Variants in SYNE2 observed in about 807,000 individuals in gnomAD.
SYNE2 encodes the protein spectrin repeat containing nuclear envelope protein 2.
A neutral mutation model predicts 856.3 loss-of-function variants in SYNE2; 431 were observed. The ratio of observed to expected loss-of-function variants is 0.50; its 90% CI spans 0.47 to 0.55. The LOEUF (loss-of-function observed/expected upper bound fraction) is 0.55, where lower values mean the gene tolerates loss of function less well. SYNE2 is among the 20% of genes least tolerant of loss of function. SYNE2 has a pLI of 0.00. For synonymous variants in SYNE2, 2,923 were observed against 2,872.3 expected (o/e 1.02, Z -0.56); for missense variants, 8,129 against 8,023.2 (o/e 1.01, Z -0.50).
intron 98 of SYNE2, 105 bp from the exon 99 acceptor site, chr14:64,189,964 ATT>A (rs11423254): frequency 0.012 from 13,854 of 1,154,192 alleles, no homozygotes; most frequent in Non-Finnish European, 0.013. Flanking sequence ...TGCCTGGCCA[ATT>A]TTTTTTTTTT....
chr14:64,221,698 A>G lies in SYNE2; in HGVS notation c.20184A>G (p.Glu6728=). Residue 6728 remains glutamate, a synonymous_variant, in exon 112 of 116, where the codon GAA becomes GAG. Coordinates refer to ENST00000555002, the MANE Select transcript of SYNE2 (RefSeq NM_182914.3). Reference sequence around the variant, plus strand: ...GGGCTCTCCTAGAGTGTCGGAGGGAACTAATGGTAAGTTTCCTCCCAAGGG... The same window carrying G: ...GGGCTCTCCTAGAGTGTCGGAGGGAGCTAATGGTAAGTTTCCTCCCAAGGG... ...DPRALLECRR[E]LMQLEKELVE... is the part of the protein sequence containing the mutation. 1 of 1,613,712 alleles carries G rather than the reference A, an allele frequency of 6.2e-7. No homozygotes were observed. The highest frequency in any genetic ancestry group is 1.3e-5 in the African/African-American group (1 of 75,030).
intron 57 of SYNE2, among the ~76,000 whole-genome samples, chr14:64,081,820 T>A (rs2097525835): frequency 6.6e-6 from 1 of 152,142 alleles, no homozygotes; most frequent in African/African-American, 2.4e-5. Context: ...TAGTATATCT[T>A]CTATGGACCT....
chr14:64,003,058 A>G lies in SYNE2; in HGVS notation c.4125A>G (p.Lys1375=). The G allele has an allele frequency of 6.2e-7, 1 of 1,614,186 alleles. No individual in the cohort carries two copies. The highest frequency in any genetic ancestry group is 8.5e-7 in the Non-Finnish European group (1 of 1,180,034). ...TTCATCTGATGAAAGACAAGGCCAA[A>G]CATTTGGATAAATGTTTGAAGATGC... is the stretch of plus-strand genomic sequence containing the variant. ...GEIHLMKDKA[K]HLDKCLKMLD... is the part of the protein sequence containing the mutation. The change falls in exon 30 of 116, where the codon AAA becomes AAG. Residue 1375 remains lysine, a synonymous_variant. Coordinates refer to ENST00000555002, the MANE Select transcript of SYNE2 (RefSeq NM_182914.3).
intron 18 of SYNE2, among the ~76,000 whole-genome samples, chr14:63,984,666 T>C (rs942486905): frequency 3.3e-5 from 5 of 152,194 alleles, no homozygotes; most frequent in African/African-American, 9.6e-5. Context: ...TTGTAAGATA[T>C]AATACCTATG....
At chr14:64,183,703 T>G (rs1290155603) in intron 96 of SYNE2, among the ~76,000 whole-genome samples, 1 of 152,066 alleles carries the variant, frequency 6.6e-6, no homozygotes, top group African/African-American at 2.4e-5. Flanking sequence ...CACTCGTGGT[T>G]AGGAGCTGGA....
intron 48 of SYNE2, among the ~76,000 whole-genome samples, chr14:64,055,405 G>A (rs1012081587): frequency 1.6e-5 from 2 of 128,994 alleles, no homozygotes; most frequent in African/African-American, 6.1e-5. Flanking sequence ...CTCTCACTCT[G>A]TCACCCAGGC....
At chr14:63,961,694 C>G in intron 9 of SYNE2, 69 bp downstream of exon 9, 2 of 1,150,762 alleles carry the variant, frequency 1.7e-6, no homozygotes, top group Non-Finnish European at 2.6e-6. Context: ...TTTTTAAAAT[C>G]AAGATATAAT....
At chr14:64,208,496 A>G (rs2098620609) in intron 100 of SYNE2, among the ~76,000 whole-genome samples, 1 of 152,200 alleles carries the variant, frequency 6.6e-6, no homozygotes, top group African/African-American at 2.4e-5. Context: ...GAGGACACCC[A>G]TCACCGTGGC....
In SYNE2 at chr14:64,225,813, CTTTGTGAATTCTGGTTTG is replaced by C. The variant is rs2098716309; in HGVS notation, c.*293_*310del. 12 of 590,768 alleles carry C rather than the reference CTTTGTGAATTCTGGTTTG, an allele frequency of 2.0e-5. No individual in the cohort carries two copies. The South Asian group carries it at 2.3e-4, about 11-fold the overall frequency. 36.6% of individuals were successfully genotyped at this position (590,768 alleles called of 1,614,324 possible). A position where few individuals can be genotyped will look rare whatever the true frequency, so the allele number is the denominator to read the frequency against. On this transcript the variant is annotated 3_prime_UTR_variant, in exon 116 of 116. Transcript: ENST00000555002. ...TGTCAGTTTCCTGAAGAGCCAAGCA[CTTTGTGAATTCTGGTTTG>C]TTTGTAAAACAGCATTATTATAATG...
intron 23 of SYNE2, among the ~76,000 whole-genome samples, chr14:63,995,470 T>C (rs745522236): frequency 1.3e-5 from 2 of 152,174 alleles, no homozygotes; most frequent in Non-Finnish European, 2.9e-5. Context: ...TGGTCACAAA[T>C]GTGTCAACTG....
At chr14:63,980,277 C>T (rs550598435) in intron 14 of SYNE2, among the ~76,000 whole-genome samples, 47 of 152,232 alleles carry the variant, frequency 3.1e-4, no homozygotes, top group East Asian at 1.7e-3. Context: ...AAAAAGATTA[C>T]TCAGTATTAA....
At position 64,219,429 on chromosome 14, in the gene SYNE2, G is replaced by T; in HGVS notation, c.19860+19G>T. The T allele has an allele frequency of 1.2e-6, 2 of 1,611,824 alleles. No individual in the cohort carries two copies. The highest frequency in any genetic ancestry group is 2.2e-5 in the South Asian group (2 of 90,942). On this transcript the variant is annotated intron_variant, in intron 110 of 115. Transcript: ENST00000555002. The stretch of plus-strand genomic sequence containing the variant: ...ACTGCAGGTGAGTTAGAGGTGTGGT[G>T]GGGAAGAGGGATTCAGAATGTGCAT...
intron 71 of SYNE2, among the ~76,000 whole-genome samples, chr14:64,125,686 G>A (rs949476248): frequency 1.3e-5 from 2 of 152,140 alleles, no homozygotes; most frequent in Admixed American, 6.5e-5. Context: ...CAGGGTAACT[G>A]TGGGTAAAGA....
chr14:64,147,250 C>T (rs987732929), intron 84 of SYNE2, among the ~76,000 whole-genome samples: 1 of 152,172 alleles, frequency 6.6e-6, no homozygotes, highest in Non-Finnish European at 1.5e-5. Context: ...CTTCAGACCA[C>T]CCTCAGTGCA....
At chr14:64,141,702 T>C (rs1241933791) in intron 81 of SYNE2, among the ~76,000 whole-genome samples, 179 bp downstream of exon 81, 3 of 152,214 alleles carry the variant, frequency 2.0e-5, no homozygotes, top group Non-Finnish European at 4.4e-5. Context: ...AAGAGAGAAA[T>C]CAGGCTTAAT....
chr14:63,893,260 A>G (rs1021469378), intron 1 of SYNE2, among the ~76,000 whole-genome samples: 1 of 152,222 alleles, frequency 6.6e-6, no homozygotes, highest in Non-Finnish European at 1.5e-5. Flanking sequence ...GCTGAAGGTT[A>G]TAGAAATGGT....
chr14:63,974,892 G>GTGTATA (rs1375697679), intron 11 of SYNE2, among the ~76,000 whole-genome samples: 7 of 67,330 alleles, frequency 1.0e-4, no homozygotes, highest in East Asian at 9.2e-4. Flanking sequence ...GTGTGTGTGT[G>GTGTATA]TATATATATA....
intron 100 of SYNE2, chr14:64,207,963 CCATGGGGTACAG>C: frequency 4.4e-6 from 2 of 455,870 alleles, no homozygotes; most frequent in Middle Eastern, 6.5e-4. Context: ...CGCAGCCCAC[CCATGGGGTACAG>C]CAGAAATATT....
At chr14:63,862,084 A>G (rs1351525414) in intron 1 of SYNE2, among the ~76,000 whole-genome samples, 1 of 152,200 alleles carries the variant, frequency 6.6e-6, no homozygotes, top group African/African-American at 2.4e-5. Context: ...TTATCCTTAA[A>G]TAATTGGATT....
Sources: allele counts gnomAD v4.1 joint callset (sites outside exome capture counted in the v4.1 genomes callset), GRCh38; gene constraint gnomAD v4.1.1; transcripts MANE v1.5; gene names NCBI Gene and HGNC (gene_info 2026-07-23, HGNC 2026-07-21).